DOCK8: variants seen among roughly 807,000 people sequenced by gnomAD.
DOCK8 encodes dedicator of cytokinesis protein 8.
Under a neutral mutation model 245.6 loss-of-function variants are expected in DOCK8, and 141 were observed. The ratio of observed to expected loss-of-function variants is 0.57; its 90% confidence interval spans 0.50 to 0.66. The LOEUF is 0.66. Among genes scored for constraint, DOCK8 ranks in the 30% least tolerant of loss-of-function variants. The probability of loss-of-function intolerance (pLI) is 0.00; values close to 1 mark genes in which losing one functional copy is unlikely to be tolerated. For missense variants in DOCK8, 2,965 were observed against 2,603.4 expected, an observed-to-expected ratio of 1.14 and a Z score of -3.02; for synonymous variants, 1,168 against 970.2, an observed-to-expected ratio of 1.20 and a Z score of -3.79.
chr9:343,881 A>G (rs568819305), intron 14 of DOCK8, among the ~76,000 whole-genome samples: 9 of 152,236 alleles, frequency 5.9e-5, no homozygotes, highest in Non-Finnish European at 7.3e-5. Context: ...TCAGCATTTA[A>G]TCACCCACAG....
At chr9:281,810 C>G (rs1586587142) in intron 2 of DOCK8, among the ~76,000 whole-genome samples, 1 of 152,218 alleles carries the variant, frequency 6.6e-6, no homozygotes, top group Admixed American at 6.5e-5. Flanking sequence ...GTTAGGGTCT[C>G]CACCCACTTG....
chr9:243,094 T>C (rs373992850), intron 1 of DOCK8, among the ~76,000 whole-genome samples: 1 of 152,106 alleles, frequency 6.6e-6, no homozygotes, highest in Non-Finnish European at 1.5e-5. Context: ...AAGCTTATTT[T>C]CCCCCATCAC....
intron 4 of DOCK8, among the ~76,000 whole-genome samples, chr9:294,417 A>T (rs2130434696): frequency 6.6e-6 from 1 of 152,312 alleles, no homozygotes; most frequent in South Asian, 2.1e-4. Flanking sequence ...GTGTTCCCAT[A>T]TTCTTGCCAG....
chr9:465,046 G>T lies in DOCK8; in HGVS notation c.*827G>T, dbSNP rs1271895411. On this transcript the variant is annotated 3_prime_UTR_variant, in exon 48 of 48. Transcript: ENST00000432829. ...CTGGGACCAAGTTTCTTTTTATAAAGCAATAATATCTCTGTTTTCATTTCA... is the reference window on the plus strand; with the variant it reads ...CTGGGACCAAGTTTCTTTTTATAAATCAATAATATCTCTGTTTTCATTTCA... The T allele has an allele frequency of 6.6e-6, 1 of 152,464 alleles. No homozygotes were observed. Among genetic ancestry groups the T allele is most frequent in the Non-Finnish European group, 1.5e-5 (1 of 68,018 alleles). 9.4% of individuals were successfully genotyped at this position (152,464 alleles called of 1,614,324 possible).
intron 45 of DOCK8, among the ~76,000 whole-genome samples, chr9:450,781 G>A (rs1405921375): frequency 3.3e-5 from 5 of 149,732 alleles, no homozygotes; most frequent in African/African-American, 1.3e-4. Context: ...TGATAAAATG[G>A]AAGACTTTCC....
chr9:425,421 A>C lies in DOCK8; in HGVS notation c.4242-1464A>C, dbSNP rs545911481. 7.4e-4 allele frequency among the ~76,000 whole-genome samples: 113 copies of C among 151,694 alleles called. 1 individual carries two copies. Among genetic ancestry groups the C allele is most frequent in the South Asian group, 2.9e-3 (14 of 4,804 alleles). On this transcript the variant is annotated intron_variant, in intron 33 of 47. Coordinates refer to ENST00000432829, the MANE Select transcript of DOCK8 (RefSeq NM_203447.4). ...GTGGCGGGCGCCTGTAGTCCCAGCT[A>C]CTCGGGAGGCTGAAGCAGGAGAATG...
At chr9:445,869 A>G (rs951426575) in intron 43 of DOCK8, among the ~76,000 whole-genome samples, 2 of 152,246 alleles carry the variant, frequency 1.3e-5, no homozygotes, top group Admixed American at 1.3e-4. Flanking sequence ...GTTTAACTGC[A>G]TAAGAGACCG....
chr9:415,651 C>G (rs2055962707), intron 29 of DOCK8, among the ~76,000 whole-genome samples: 1 of 143,692 alleles, frequency 7.0e-6, no homozygotes, highest in East Asian at 2.5e-4. Context: ...TTGGCCTACC[C>G]TCTCCACAGC....
intron 30 of DOCK8, among the ~76,000 whole-genome samples, chr9:419,814 C>T (rs1302523744): frequency 6.6e-6 from 1 of 152,160 alleles, no homozygotes; most frequent in African/African-American, 2.4e-5. Flanking sequence ...CACCCCAGCC[C>T]CAGGCAAACA....
At chr9:404,166 C>T (rs1049865172) in intron 26 of DOCK8, among the ~76,000 whole-genome samples, 2 of 151,652 alleles carry the variant, frequency 1.3e-5, no homozygotes, top group East Asian at 1.9e-4. Context: ...CCCTATTTTG[C>T]CTTTAGAGGA....
chr9:400,049 C>G (rs1172817806), intron 26 of DOCK8, among the ~76,000 whole-genome samples: 1 of 114,782 alleles, frequency 8.7e-6, no homozygotes, highest in Non-Finnish European at 1.7e-5. Flanking sequence ...ACCACCTCCA[C>G]CATCACCACC....
At chr9:397,908 C>T (rs185761734) in intron 25 of DOCK8, among the ~76,000 whole-genome samples, 6 of 152,180 alleles carry the variant, frequency 3.9e-5, no homozygotes, top group South Asian at 2.1e-4. Flanking sequence ...TATTCTTGCA[C>T]CTTTTCTGTA....
chr9:425,492 ACT>A lies in DOCK8; in HGVS notation c.4242-1392_4242-1391del, dbSNP rs1564053265. 3.0e-3 allele frequency among the ~76,000 whole-genome samples: 424 copies of A among 141,070 alleles called. 4 individuals carry two copies. The highest frequency in any genetic ancestry group is 0.012 in the African/African-American group (396 of 32,810). 92.5% of individuals were successfully genotyped at this position (141,070 alleles called of 152,430 possible). A position where few individuals can be genotyped will look rare whatever the true frequency, so the allele number is the denominator to read the frequency against. ...GCTTGCGGTGAGCCAAGATTGCGCC[ACT>A]GCACTCTGCACTCCAGCCTGGGCGA... On this transcript the variant is annotated intron_variant, in intron 33 of 47. Transcript: ENST00000432829.
intron 4 of DOCK8, among the ~76,000 whole-genome samples, chr9:297,385 C>G (rs2049306198): frequency 6.6e-6 from 1 of 152,166 alleles, no homozygotes; most frequent in Non-Finnish European, 1.5e-5. Context: ...AGAGAACACT[C>G]TCAAAACGCG....
intron 40 of DOCK8, among the ~76,000 whole-genome samples, chr9:440,557 T>C (rs1269650619): frequency 6.6e-6 from 1 of 152,190 alleles, no homozygotes; most frequent in African/African-American, 2.4e-5. Flanking sequence ...TAATATACTC[T>C]CATTTTTCCT....
chr9:434,352 C>T (rs988346083), intron 38 of DOCK8, among the ~76,000 whole-genome samples: 6 of 152,056 alleles, frequency 3.9e-5, no homozygotes, highest in East Asian at 1.9e-4. Context: ...ATTTTTTACG[C>T]GTAGTTTAAA....
At chr9:439,536 A>T (rs1587053478) in intron 40 of DOCK8, 148 bp downstream of exon 40, 2 of 1,047,892 alleles carry the variant, frequency 1.9e-6, no homozygotes, top group African/African-American at 1.6e-5. Context: ...GGGCCCGGGG[A>T]GGACTTTGAT....
chr9:330,028 C>A (rs1257099790), intron 9 of DOCK8, among the ~76,000 whole-genome samples: 1 of 152,140 alleles, frequency 6.6e-6, no homozygotes, highest in Non-Finnish European at 1.5e-5. Context: ...TTTAGCACAT[C>A]CAGGCAGACA....
At chr9:234,738 T>G (rs2047206157) in intron 1 of DOCK8, among the ~76,000 whole-genome samples, 1 of 152,256 alleles carries the variant, frequency 6.6e-6, no homozygotes, top group Admixed American at 6.5e-5. Context: ...GCCTTGGTTT[T>G]CAGCTCCATC....
Sources: allele counts gnomAD v4.1 joint callset (sites outside exome capture counted in the v4.1 genomes callset), GRCh38; gene constraint gnomAD v4.1.1; transcripts MANE v1.5; gene names NCBI Gene and HGNC (gene_info 2026-07-23, HGNC 2026-07-21).